CNTNAP5: variants seen among roughly 807,000 people sequenced by gnomAD.
CNTNAP5 encodes contactin associated protein family member 5, also known as contactin-associated protein-like 5.
A neutral mutation model predicts 150.2 loss-of-function variants in CNTNAP5; 72 were observed. That is an observed-to-expected ratio of 0.48 (90% CI 0.40 to 0.58). CNTNAP5 has a LOEUF of 0.58. CNTNAP5 is among the 20% of genes least tolerant of loss of function. The pLI is 0.00. For synonymous variants in CNTNAP5, 672 were observed against 619.8 expected (o/e 1.08, Z -1.25); for missense variants, 1,636 against 1,626.2 (o/e 1.01, Z -0.10).
chr2:124,747,121 A>T (rs1236781196), intron 13 of CNTNAP5, 108 bp from the exon 14 acceptor site: 3 of 946,092 alleles, frequency 3.2e-6, no homozygotes, highest in Non-Finnish European at 4.5e-6. Context: ...GAAGGAGATT[A>T]TCTATATACA....
chr2:124,594,142 TA>T (rs1696766393), intron 11 of CNTNAP5, among the ~76,000 whole-genome samples: 1 of 131,338 alleles, frequency 7.6e-6, no homozygotes, highest in South Asian at 2.9e-4. Context: ...TTAGTTTAAT[TA>T]GATCCCATTT....
At chr2:124,203,439 G>T (rs2104713017) in intron 1 of CNTNAP5, among the ~76,000 whole-genome samples, 1 of 152,294 alleles carries the variant, frequency 6.6e-6, no homozygotes, top group Non-Finnish European at 1.5e-5. Context: ...GAGGAAGGTA[G>T]CCCTTTCCTC....
chr2:124,204,741 C>A (rs963580063), intron 1 of CNTNAP5, among the ~76,000 whole-genome samples: 3 of 152,074 alleles, frequency 2.0e-5, no homozygotes, highest in Non-Finnish European at 2.9e-5. Flanking sequence ...GAGACTTATT[C>A]ACTATCATGA....
At chr2:124,263,458 A>C (rs942350334) in intron 3 of CNTNAP5, among the ~76,000 whole-genome samples, 11 of 152,306 alleles carry the variant, frequency 7.2e-5, no homozygotes, top group African/African-American at 2.6e-4. Context: ...TCTTTTGAGA[A>C]GTGTCCGTTC....
At chr2:124,699,478 G>A (rs1209498475) in intron 13 of CNTNAP5, among the ~76,000 whole-genome samples, 1 of 152,104 alleles carries the variant, frequency 6.6e-6, no homozygotes, top group African/African-American at 2.4e-5. Flanking sequence ...AATGCTGAGC[G>A]AGGTCAGCTT....
chr2:124,247,893 A>G (rs1233310104), intron 3 of CNTNAP5, among the ~76,000 whole-genome samples: 1 of 152,186 alleles, frequency 6.6e-6, no homozygotes, highest in East Asian at 1.9e-4. Flanking sequence ...ATGTAGGAAC[A>G]TGGTCTCAAA....
chr2:124,242,137 G>T, intron 2 of CNTNAP5, 63 bp from the exon 3 acceptor site: 3 of 1,338,306 alleles, frequency 2.2e-6, no homozygotes, highest in Non-Finnish European at 2.1e-6. Context: ...TTTGATAGTT[G>T]AAAATTGTAG....
At position 124,747,285 on chromosome 2, in the gene CNTNAP5, G is replaced by A. The variant is rs1573589915; in HGVS notation, c.2134G>A (p.Gly712Arg). ...GRSNERHPYWGGSPPGVQQCE... is the reference protein window; with the variant it reads ...GRSNERHPYWRGSPPGVQQCE... The stretch of plus-strand genomic sequence containing the variant: ...GTCCAATGAAAGGCACCCTTACTGG[G>A]GAGGTTCCCCTCCTGGGGTCCAGCA... Residue 712 changes from glycine to arginine, a missense_variant, in exon 14 of 24, where the codon GGA (glycine) becomes AGA (arginine). Transcript: ENST00000682447. The A allele has an allele frequency of 6.2e-7, 1 of 1,613,780 alleles. No homozygotes were observed. Among genetic ancestry groups the A allele is most frequent in the East Asian group, 2.2e-5 (1 of 44,778 alleles).
chr2:124,149,108 C>T (rs1005865454), intron 1 of CNTNAP5, among the ~76,000 whole-genome samples: 1 of 151,988 alleles, frequency 6.6e-6, no homozygotes, highest in Non-Finnish European at 1.5e-5. Context: ...TTACCTGTTT[C>T]CTTGCAATGC....
At chr2:124,507,419 G>A (rs375096451) in intron 8 of CNTNAP5, among the ~76,000 whole-genome samples, 7 of 152,156 alleles carry the variant, frequency 4.6e-5, no homozygotes, top group African/African-American at 1.2e-4. Flanking sequence ...TAATCACGCC[G>A]CTGCACTCCA....
intron 8 of CNTNAP5, among the ~76,000 whole-genome samples, chr2:124,519,424 CAG>C (rs1283114037): frequency 6.6e-6 from 1 of 152,172 alleles, no homozygotes; most frequent in East Asian, 1.9e-4. Context: ...TAAAACTTTT[CAG>C]AGCTTTTTGG....
At chr2:124,803,595 T>G (rs952094404) in intron 19 of CNTNAP5, among the ~76,000 whole-genome samples, 6 of 152,198 alleles carry the variant, frequency 3.9e-5, no homozygotes, top group Admixed American at 6.5e-5. Flanking sequence ...ACCAAATGGT[T>G]TGTCTGACTT....
chr2:124,514,494 T>C (rs1348518714), intron 8 of CNTNAP5, among the ~76,000 whole-genome samples: 2 of 152,196 alleles, frequency 1.3e-5, no homozygotes, highest in Non-Finnish European at 2.9e-5. Flanking sequence ...GTTCCTCTCA[T>C]TGGCTTTAGG....
intron 11 of CNTNAP5, among the ~76,000 whole-genome samples, chr2:124,592,589 A>T (rs933408353): frequency 2.6e-5 from 4 of 152,030 alleles, no homozygotes; most frequent in Non-Finnish European, 5.9e-5. Context: ...TTTTTCACAT[A>T]TCAAATTAGC....
At chr2:124,060,171 A>G (rs1197254254) in intron 1 of CNTNAP5, among the ~76,000 whole-genome samples, 2 of 152,124 alleles carry the variant, frequency 1.3e-5, no homozygotes, top group African/African-American at 4.8e-5. Context: ...CGATGACTCC[A>G]CAGAGCGTAA....
intron 7 of CNTNAP5, 59 bp from the exon 8 acceptor site, chr2:124,504,233 G>A (rs1220099279): frequency 6.5e-7 from 1 of 1,539,350 alleles, no homozygotes; most frequent in African/African-American, 1.4e-5. Flanking sequence ...GTTTATATCA[G>A]CTGTCAGATT....
chr2:124,178,861 T>G (rs1442583098), intron 1 of CNTNAP5, among the ~76,000 whole-genome samples: 1 of 152,094 alleles, frequency 6.6e-6, no homozygotes. Flanking sequence ...CAGCAATAGT[T>G]TGAATATGAA....
chr2:124,355,904 T>C (rs1689987060), intron 3 of CNTNAP5, among the ~76,000 whole-genome samples: 1 of 152,170 alleles, frequency 6.6e-6, no homozygotes, highest in Non-Finnish European at 1.5e-5. Flanking sequence ...GAATATCTAG[T>C]GTCTAAAAGA....
At chr2:124,227,652 G>GTGTGTGTGTGTT (rs1464696309) in intron 2 of CNTNAP5, among the ~76,000 whole-genome samples, 3 of 151,056 alleles carry the variant, frequency 2.0e-5, no homozygotes, top group Non-Finnish European at 3.0e-5. Context: ...GTGTGTGTGT[G>GTGTGTGTGTGTT]TGTGTGTGTG....
Sources: gnomAD v4.1 joint callset for allele counts (sites outside exome capture counted in the v4.1 genomes callset) on GRCh38, gnomAD v4.1.1 for gene constraint, MANE v1.5 for transcripts, NCBI Gene and HGNC (gene_info 2026-07-23, HGNC 2026-07-21) for gene names.